CLSTN2: variants seen among roughly 807,000 people sequenced by gnomAD.
The protein encoded by CLSTN2 is calsyntenin 2.
CLSTN2 carries 48 observed loss-of-function variants against 101.2 expected under a neutral mutation model. That is an observed-to-expected ratio of 0.47 (90% CI 0.38 to 0.60). CLSTN2 has a LOEUF of 0.60. Among genes scored for constraint, CLSTN2 ranks in the 20% least tolerant of loss-of-function variants. The pLI is 0.00. For synonymous variants in CLSTN2, 481 were observed against 463.6 expected (o/e 1.04, Z -0.48); for missense variants, 1,160 against 1,238.2 (o/e 0.94, Z 0.95).
At chr3:140,124,634 G>A (rs575324820) in intron 1 of CLSTN2, among the ~76,000 whole-genome samples, 3 of 152,256 alleles carry the variant, frequency 2.0e-5, no homozygotes, top group African/African-American at 7.2e-5. Flanking sequence ...GGAGAAGATT[G>A]GGCCAGGAGG....
intron 1 of CLSTN2, among the ~76,000 whole-genome samples, chr3:140,111,842 G>A (rs955844382): frequency 6.6e-6 from 1 of 152,072 alleles, no homozygotes; most frequent in African/African-American, 2.4e-5. Context: ...TCATATGCAC[G>A]ATCTCATTTA....
intron 4 of CLSTN2, among the ~76,000 whole-genome samples, chr3:140,412,768 A>T (rs1332938084): frequency 6.6e-6 from 1 of 152,238 alleles, no homozygotes; most frequent in African/African-American, 2.4e-5. Flanking sequence ...CAAATATGTG[A>T]AATTAAATAA....
At chr3:140,441,555 C>T (rs1422135396) in intron 5 of CLSTN2, among the ~76,000 whole-genome samples, 6 of 152,166 alleles carry the variant, frequency 3.9e-5, no homozygotes, top group African/African-American at 1.2e-4. Context: ...AAGTAACTGC[C>T]GAAGGTGCAG....
At chr3:140,507,672 C>T (rs1475589870) in intron 8 of CLSTN2, 1 of 152,120 alleles carries the variant, frequency 6.6e-6, no homozygotes, top group Admixed American at 6.5e-5. Flanking sequence ...CTATTATGGG[C>T]TTGTATGACA....
At chr3:140,352,061 G>C (rs1256750627) in intron 2 of CLSTN2, among the ~76,000 whole-genome samples, 1 of 152,158 alleles carries the variant, frequency 6.6e-6, no homozygotes, top group African/African-American at 2.4e-5. Flanking sequence ...CCAATGAGTA[G>C]GCTGAGAAGA....
intron 2 of CLSTN2, among the ~76,000 whole-genome samples, chr3:140,395,228 A>G (rs1029930332): frequency 1.3e-5 from 2 of 152,248 alleles, no homozygotes; most frequent in Non-Finnish European, 2.9e-5. Flanking sequence ...AAAGAAAGGT[A>G]TAAATGGTGA....
intron 1 of CLSTN2, among the ~76,000 whole-genome samples, chr3:139,959,083 T>C (rs1301595678): frequency 2.0e-5 from 3 of 152,060 alleles, no homozygotes; most frequent in African/African-American, 4.8e-5. Flanking sequence ...TTCTCTACCT[T>C]GGGCAATCTC....
intron 1 of CLSTN2, among the ~76,000 whole-genome samples, chr3:140,138,454 C>CTGAG (rs1398979901): frequency 6.6e-6 from 1 of 152,174 alleles, no homozygotes; most frequent in Non-Finnish European, 1.5e-5. Flanking sequence ...TGGAGTCCAC[C>CTGAG]TGAGGTAAGT....
intron 8 of CLSTN2, among the ~76,000 whole-genome samples, chr3:140,483,981 A>C (rs1269392753): frequency 6.6e-6 from 1 of 152,106 alleles, no homozygotes; most frequent in African/African-American, 2.4e-5. Context: ...TAGTATTGTT[A>C]TGTGTGAATT....
chr3:140,282,289 G>T (rs79177498), intron 2 of CLSTN2, among the ~76,000 whole-genome samples: 1 of 152,098 alleles, frequency 6.6e-6, no homozygotes, highest in East Asian at 1.9e-4. Flanking sequence ...GCTAAACTAG[G>T]TTCTTAACCC....
intron 1 of CLSTN2, among the ~76,000 whole-genome samples, chr3:140,151,054 C>T (rs1369216662): frequency 1.3e-5 from 2 of 152,006 alleles, no homozygotes; most frequent in East Asian, 3.9e-4. Flanking sequence ...CTGCCCTGTA[C>T]CTTCTTGGTG....
intron 8 of CLSTN2, among the ~76,000 whole-genome samples, chr3:140,530,287 C>A (rs1935226306): frequency 6.6e-6 from 1 of 152,150 alleles, no homozygotes; most frequent in Non-Finnish European, 1.5e-5. Context: ...AATTCTTATG[C>A]AGTGTGATCC....
chr3:140,436,695 G>T (rs1268882299), intron 5 of CLSTN2, among the ~76,000 whole-genome samples: 4 of 152,218 alleles, frequency 2.6e-5, no homozygotes, highest in Non-Finnish European at 5.9e-5. Context: ...GGAAGCCCAG[G>T]GAGACCTGTG....
chr3:140,028,130 A>G (rs1434754738), intron 1 of CLSTN2, among the ~76,000 whole-genome samples: 7 of 152,170 alleles, frequency 4.6e-5, no homozygotes, highest in Non-Finnish European at 8.8e-5. Flanking sequence ...TCTGCTGTCA[A>G]CTAGGATGAT....
Position 140,459,747 on chromosome 3 carries a change from C to G in CLSTN2, c.1200C>G (p.Ile400Met), listed in dbSNP as rs770923656. The change falls in exon 7 of 17, where the codon ATC (isoleucine) becomes ATG (methionine). Residue 400 changes from isoleucine to methionine, a missense_variant. Physicochemically the swap from Ile to Met is conservative, Grantham distance 10. Coordinates refer to ENST00000458420, the MANE Select transcript of CLSTN2 (RefSeq NM_022131.3). ...GTGTGAGAGCCGAGAAGGAAACCAT[C>G]CTCTGCAACTCAGACAAAACCGGTG... ...SPGVRAEKETILCNSDKTEMN... is the reference protein window; with the variant it reads ...SPGVRAEKETMLCNSDKTEMN... 1.9e-6 allele frequency: 3 copies of G among 1,614,138 alleles called. No homozygotes were observed. The highest frequency in any genetic ancestry group is 1.6e-4 in the Middle Eastern group (1 of 6,062).
At chr3:140,545,528 C>G (rs927786230) in intron 9 of CLSTN2, among the ~76,000 whole-genome samples, 10 of 152,140 alleles carry the variant, frequency 6.6e-5, no homozygotes, top group Non-Finnish European at 1.5e-4. Context: ...CTTTTCTATG[C>G]GTTGTTCTTC....
At chr3:139,944,357 A>T (rs1935184022) in intron 1 of CLSTN2, among the ~76,000 whole-genome samples, 1 of 152,172 alleles carries the variant, frequency 6.6e-6, no homozygotes, top group Non-Finnish European at 1.5e-5. Flanking sequence ...CCCAGAACCC[A>T]TCCCAGAGAT....
chr3:140,428,745 A>C (rs1485293967), intron 5 of CLSTN2, among the ~76,000 whole-genome samples: 3 of 152,238 alleles, frequency 2.0e-5, no homozygotes, highest in African/African-American at 7.2e-5. Context: ...AGAGAGATGC[A>C]GCCACATAAT....
intron 1 of CLSTN2, among the ~76,000 whole-genome samples, chr3:140,049,460 T>A (rs544672468): frequency 6.6e-6 from 1 of 152,176 alleles, no homozygotes; most frequent in Non-Finnish European, 1.5e-5. Flanking sequence ...ATTAAATGCT[T>A]ATTAGGGACT....
Sources: allele counts gnomAD v4.1 joint callset (sites outside exome capture counted in the v4.1 genomes callset), GRCh38; gene constraint gnomAD v4.1.1; transcripts MANE v1.5; gene names NCBI Gene and HGNC (gene_info 2026-07-23, HGNC 2026-07-21).